The following SYNPR variants were observed in gnomAD, a reference collection of about 807,000 sequenced individuals.
SYNPR encodes the protein synaptoporin.
In SYNPR, 23 loss-of-function variants were observed where a neutral mutation model predicts 32.9. That is an observed-to-expected ratio of 0.70 (90% CI 0.50 to 0.99). The LOEUF (loss-of-function observed/expected upper bound fraction) is 0.99. Among genes scored for constraint, SYNPR ranks in the 50% least tolerant of loss-of-function variants. The pLI is 0.00. For missense variants in SYNPR, 318 were observed against 349.3 expected (o/e 0.91, Z 0.71); for synonymous variants, 146 against 135.9 (o/e 1.07, Z -0.52).
At chr3:63,276,907 CCCA>C (rs35120879), upstream of SYNPR, among the ~76,000 whole-genome samples, 10,872 of 140,422 alleles carry the variant, frequency 0.077, 438 homozygotes, top group African/African-American at 0.11. Context: ...ACCCACCCCC[CCCA>C]CCAACACACA....
At chr3:63,580,209 G>T (rs1297372376) in intron 4 of SYNPR, among the ~76,000 whole-genome samples, 1 of 152,108 alleles carries the variant, frequency 6.6e-6, no homozygotes, top group Non-Finnish European at 1.5e-5. Flanking sequence ...TGTTAGTCTT[G>T]CAGAAAATGT....
chr3:63,585,454 C>CG (rs1046190779), intron 4 of SYNPR, among the ~76,000 whole-genome samples: 6 of 109,142 alleles, frequency 5.5e-5, no homozygotes, highest in African/African-American at 1.5e-4. Flanking sequence ...TCCATGCCCC[C>CG]CCCCTCCGCC....
At chr3:63,292,483 A>G (rs1575588482) in intron 2 of SYNPR, among the ~76,000 whole-genome samples, 2 of 152,358 alleles carry the variant, frequency 1.3e-5, no homozygotes, top group South Asian at 4.1e-4. Flanking sequence ...ATTTAGTAAT[A>G]GAAAAAATAC....
chr3:63,204,849 G>A, the SYNPR span, among the ~76,000 whole-genome samples: 17 of 151,944 alleles, frequency 1.1e-4, no homozygotes, highest in African/African-American at 2.4e-4. Context: ...CACCATGCCC[G>A]GCTAATTTTT....
At position 63,540,925 on chromosome 3, in the gene SYNPR, C is replaced by A. The variant is rs565042896; in HGVS notation, c.210-15618C>A. On this transcript the variant is annotated intron_variant, in intron 3 of 5. Transcript: ENST00000478300. Reference sequence around the variant, plus strand: ...ACACACACACACACACACAATCCCCCCCCCAACACACACACACACACACAC... The same window carrying A: ...ACACACACACACACACACAATCCCCACCCCAACACACACACACACACACAC... 7.4e-3 allele frequency among the ~76,000 whole-genome samples: 711 copies of A among 95,994 alleles called. 12 individuals carry two copies. Among genetic ancestry groups the A allele is most frequent in the African/African-American group, 0.029 (682 of 23,540 alleles). The allele number at this position is 95,994 out of a possible 152,430, so 63.0% of individuals were successfully genotyped here.
chr3:63,528,636 T>G (rs1161141538), intron 3 of SYNPR, among the ~76,000 whole-genome samples: 1 of 151,944 alleles, frequency 6.6e-6, no homozygotes, highest in Non-Finnish European at 1.5e-5. Context: ...AAGATGCATT[T>G]TTTTTTTACT....
At chr3:63,316,559 T>A (rs1223728079) in intron 2 of SYNPR, among the ~76,000 whole-genome samples, 1 of 152,040 alleles carries the variant, frequency 6.6e-6, no homozygotes, top group African/African-American at 2.4e-5. Flanking sequence ...TCTTTTGTAT[T>A]TCAGTGGTGT....
chr3:63,560,417 G>A (rs183803858), intron 4 of SYNPR, among the ~76,000 whole-genome samples: 13 of 152,272 alleles, frequency 8.5e-5, no homozygotes, highest in East Asian at 3.9e-4. Flanking sequence ...AGGTTTAAGC[G>A]AATTCACAGT....
In SYNPR at chr3:63,408,328, G is replaced by GAA. The variant is rs1481432710; in HGVS notation, c.85-72502_85-72501dup. ...GGAAGGAAGGAAGGAAGGAAAGAAAGAAAGAAAGAAAGAAAGAAAGAAAGA... is the reference window on the plus strand; with the variant it reads ...GGAAGGAAGGAAGGAAGGAAAGAAAGAAAAAGAAAGAAAGAAAGAAAGAAAGA... On this transcript the variant is annotated intron_variant, in intron 2 of 5. Transcript: ENST00000478300. Among the ~76,000 whole-genome samples, 115 of 125,840 alleles carry GAA rather than the reference G, an allele frequency of 9.1e-4. 1 individual carries two copies. The highest frequency in any genetic ancestry group is 1.4e-3 in the Non-Finnish European group (88 of 60,784). 82.6% of individuals were successfully genotyped at this position (125,840 alleles called of 152,430 possible). A position where few individuals can be genotyped will look rare whatever the true frequency, so the allele number is the denominator to read the frequency against.
chr3:63,309,545 T>C (rs1298913143), intron 2 of SYNPR, among the ~76,000 whole-genome samples: 1 of 152,050 alleles, frequency 6.6e-6, no homozygotes, highest in African/African-American at 2.4e-5. Flanking sequence ...TTAAGTAGGA[T>C]CAGAGAGGTG....
the SYNPR span, among the ~76,000 whole-genome samples, chr3:63,218,643 A>T: frequency 6.6e-6 from 1 of 152,134 alleles, no homozygotes; most frequent in Non-Finnish European, 1.5e-5. Flanking sequence ...CTGTCTCCTG[A>T]CTTCGTGATC....
chr3:63,384,109 G>T (rs1485534723), intron 2 of SYNPR, among the ~76,000 whole-genome samples: 1 of 152,218 alleles, frequency 6.6e-6, no homozygotes, highest in African/African-American at 2.4e-5. Context: ...AGCCAATGCT[G>T]GATCTGAAAT....
rs916225913 is a variant in SYNPR at position 63,466,773 on chromosome 3, T to C, written c.85-14059T>C. ...CAGAGAAAGTGTCAGCTCTCTGGTGTCTCTTCTTATAAGGGCACTAATCCT... is the reference window on the plus strand; with the variant it reads ...CAGAGAAAGTGTCAGCTCTCTGGTGCCTCTTCTTATAAGGGCACTAATCCT... On this transcript the variant is annotated intron_variant, in intron 2 of 5. Coordinates refer to ENST00000478300, the MANE Select transcript of SYNPR (RefSeq NM_001130003.2). Among the ~76,000 whole-genome samples, 5 of 152,194 alleles carry C rather than the reference T, an allele frequency of 3.3e-5. No individual in the cohort carries two copies. In the South Asian group the frequency reaches 1.0e-3, roughly 32 times the overall value.
At chr3:63,397,737 A>G (rs370688461) in intron 2 of SYNPR, among the ~76,000 whole-genome samples, 51 of 152,324 alleles carry the variant, frequency 3.3e-4, no homozygotes, top group African/African-American at 1.2e-3. Context: ...ATGACTTTGA[A>G]CAAATCAGTT....
chr3:63,290,105 G>C (rs970978734), intron 2 of SYNPR, among the ~76,000 whole-genome samples: 1 of 147,530 alleles, frequency 6.8e-6, no homozygotes, highest in Admixed American at 6.8e-5. Context: ...ACTCCAGCCT[G>C]GGTGACACAG....
upstream of SYNPR, among the ~76,000 whole-genome samples, chr3:63,226,528 G>T (rs2106869746): frequency 6.6e-6 from 1 of 152,236 alleles, no homozygotes; most frequent in African/African-American, 2.4e-5. Flanking sequence ...GCCATAAAAA[G>T]AATGAAATCA....
chr3:63,458,692 A>G (rs1700528169), intron 2 of SYNPR, among the ~76,000 whole-genome samples: 1 of 152,106 alleles, frequency 6.6e-6, no homozygotes, highest in African/African-American at 2.4e-5. Flanking sequence ...AGTTGCTCCA[A>G]AGTATTACAA....
intron 3 of SYNPR, among the ~76,000 whole-genome samples, chr3:63,552,524 G>GCAAAAA (rs1702520772): frequency 6.6e-6 from 1 of 152,102 alleles, no homozygotes; most frequent in South Asian, 2.1e-4. Context: ...ATATATACAA[G>GCAAAAA]CAAAAACAAA....
At chr3:63,563,482 G>C (rs984990751) in intron 4 of SYNPR, among the ~76,000 whole-genome samples, 1 of 152,062 alleles carries the variant, frequency 6.6e-6, no homozygotes, top group South Asian at 2.1e-4. Context: ...TGCAGTCTCT[G>C]AGCTATACAG....
Sources: gnomAD v4.1 joint callset for allele counts (sites outside exome capture counted in the v4.1 genomes callset) on GRCh38, gnomAD v4.1.1 for gene constraint, MANE v1.5 for transcripts, NCBI Gene and HGNC (gene_info 2026-07-23, HGNC 2026-07-21) for gene names.